Variants in TULP4 observed in about 807,000 individuals in gnomAD.
TULP4 encodes TUB like protein 4, also known as tubby-related protein 4.
TULP4 carries 16 observed loss-of-function variants against 129.0 expected under a neutral mutation model. The ratio of observed to expected loss-of-function variants is 0.12; its 90% CI spans 0.08 to 0.19. The LOEUF is 0.19. Among genes scored for constraint, TULP4 ranks in the 10% least tolerant of loss-of-function variants. TULP4 has a pLI of 1.00. For missense variants in TULP4, 1,842 were observed against 2,059.1 expected (o/e 0.89, Z 2.04); for synonymous variants, 998 against 854.0 (o/e 1.17, Z -2.94).
At position 158,440,377 on chromosome 6, in the gene TULP4, G is replaced by T. The variant is rs1176427648; in HGVS notation, c.544-8619G>T. 2.0e-5 allele frequency among the ~76,000 whole-genome samples: 3 copies of T among 150,352 alleles called. No individual in the cohort carries two copies. The East Asian group carries it at 5.9e-4, about 29-fold the overall frequency. On this transcript the variant is annotated intron_variant, in intron 3 of 13. Coordinates refer to ENST00000367097, the MANE Select transcript of TULP4 (RefSeq NM_020245.5). The stretch of plus-strand genomic sequence containing the variant: ...TACTAAAGTAAAATCTCAATGGTCA[G>T]CTTCTACACTGGAAACCCTTACTGG...
In TULP4 at chr6:158,502,210, A is replaced by ACC; in HGVS notation, c.2551_2552dup (p.Pro852ArgfsTer15). The stretch of plus-strand genomic sequence containing the variant: ...TCCCCGCTGCCCCCACCACAGCAGC[A>ACC]CCCCCGCCCCCTCTGCCGCCCCCAC... On this transcript the variant is annotated frameshift_variant, in exon 13 of 14. Transcript: ENST00000367097. LOFTEE classifies it high-confidence loss of function. 2.5e-6 allele frequency: 2 copies of ACC among 805,666 alleles called. No homozygotes were observed. Among genetic ancestry groups the ACC allele is most frequent in the Admixed American group, 3.0e-5 (1 of 33,806 alleles). 49.9% of individuals were successfully genotyped at this position (805,666 alleles called of 1,614,324 possible).
At chr6:158,300,805 C>G (rs1276949530) in intron 1 of TULP4, among the ~76,000 whole-genome samples, 1 of 152,194 alleles carries the variant, frequency 6.6e-6, no homozygotes, top group Non-Finnish European at 1.5e-5. Context: ...GGGATTAATG[C>G]CAGGTTCCTG....
intron 1 of TULP4, among the ~76,000 whole-genome samples, chr6:158,412,274 G>A (rs531409940): frequency 5.3e-4 from 81 of 152,334 alleles, no homozygotes; most frequent in African/African-American, 1.9e-3. Context: ...TCTCCAGGGT[G>A]AGCCCTGCCG....
rs775881078 is a variant in TULP4, at chr6:158,506,564, C to T, written c.4516-14C>T. The T allele has an allele frequency of 5.1e-6, 8 of 1,554,426 alleles. No homozygotes were observed. On this transcript the variant is annotated splice_polypyrimidine_tract_variant and intron_variant, in intron 13 of 13. Transcript: ENST00000367097. Reference sequence around the variant, plus strand: ...TTATTCTTTAATGTCTTTGCTTCCCCTGCCCTCCTCCAGGTGATGCAGTTT... The same window carrying T: ...TTATTCTTTAATGTCTTTGCTTCCCTTGCCCTCCTCCAGGTGATGCAGTTT...
upstream of TULP4, among the ~76,000 whole-genome samples, chr6:158,309,444 C>T (rs1436471095): frequency 6.4e-5 from 9 of 141,622 alleles, no homozygotes; most frequent in South Asian, 7.0e-4. Flanking sequence ...ACGTCCCAGA[C>T]GATGGGCGGC....
At chr6:158,480,931 CCCA>C (rs547667250) in intron 7 of TULP4, 121 bp from the exon 8 acceptor site, 4 of 817,480 alleles carry the variant, frequency 4.9e-6, no homozygotes, top group Non-Finnish European at 7.7e-6. Context: ...TCCCCAGGCC[CCCA>C]GCCTGTGCTC....
At chr6:158,308,730 T>C (rs867933281), upstream of TULP4, among the ~76,000 whole-genome samples, 127 of 68,436 alleles carry the variant, frequency 1.9e-3, no homozygotes, top group East Asian at 2.8e-3. Context: ...CCTCACCTCC[T>C]GGACGGGGCG....
At chr6:158,390,065 C>G (rs1173778900) in intron 1 of TULP4, among the ~76,000 whole-genome samples, 1 of 145,976 alleles carries the variant, frequency 6.9e-6, no homozygotes, top group African/African-American at 2.5e-5. Context: ...AGTGAGACTC[C>G]GTCTCAAAAA....
At chr6:158,335,274 CAAAAAAAA>C (rs61418142) in intron 1 of TULP4, among the ~76,000 whole-genome samples, 1 of 121,558 alleles carries the variant, frequency 8.2e-6, no homozygotes, top group Non-Finnish European at 1.8e-5. Context: ...GAGACTGTCT[CAAAAAAAA>C]AAAAAAAAAA....
At chr6:158,479,067 A>T (rs1297416052) in intron 6 of TULP4, among the ~76,000 whole-genome samples, 2 of 152,070 alleles carry the variant, frequency 1.3e-5, no homozygotes, top group Non-Finnish European at 2.9e-5. Context: ...CACTCATGAG[A>T]AAAGGGGGAG....
chr6:158,269,926 T>C (rs559261245), intron 1 of TULP4, among the ~76,000 whole-genome samples: 73 of 152,326 alleles, frequency 4.8e-4, no homozygotes, highest in African/African-American at 1.6e-3. Context: ...CTTCACAGGG[T>C]TGCTCCCTTT....
chr6:158,269,688 G>C (rs557418923), intron 1 of TULP4, among the ~76,000 whole-genome samples: 1 of 152,218 alleles, frequency 6.6e-6, no homozygotes, highest in Admixed American at 6.5e-5. Context: ...TTGCTTAATG[G>C]GTAGAATATA....
intron 6 of TULP4, among the ~76,000 whole-genome samples, chr6:158,474,798 C>T (rs895135201): frequency 2.6e-5 from 4 of 152,214 alleles, no homozygotes; most frequent in South Asian, 2.1e-4. Flanking sequence ...TCTGAAAATT[C>T]GAAATACTCC....
At chr6:158,269,724 A>G (rs1013873357) in intron 1 of TULP4, among the ~76,000 whole-genome samples, 2 of 152,274 alleles carry the variant, frequency 1.3e-5, no homozygotes, top group Admixed American at 6.5e-5. Flanking sequence ...GCAATGTCCA[A>G]CATTTATTTA....
chr6:158,443,969 C>A (rs1288359915), intron 3 of TULP4, among the ~76,000 whole-genome samples: 2 of 151,982 alleles, frequency 1.3e-5, no homozygotes, highest in African/African-American at 4.8e-5. Context: ...CCTGTAATCC[C>A]AGCACTTTGG....
intron 3 of TULP4, among the ~76,000 whole-genome samples, chr6:158,430,513 C>T (rs1425344638): frequency 2.0e-5 from 3 of 151,984 alleles, no homozygotes; most frequent in Non-Finnish European, 4.4e-5. Context: ...GAGGTGGAGG[C>T]GGGTGGATCA....
intron 11 of TULP4, among the ~76,000 whole-genome samples, chr6:158,496,582 A>G (rs1317903649): frequency 6.6e-6 from 1 of 152,208 alleles, no homozygotes; most frequent in Non-Finnish European, 1.5e-5. Context: ...ATGACCACAA[A>G]TGCTTGTTGT....
intron 1 of TULP4, among the ~76,000 whole-genome samples, chr6:158,246,198 T>C (rs1778028212): frequency 6.6e-6 from 1 of 152,078 alleles, no homozygotes; most frequent in African/African-American, 2.4e-5. Context: ...ACTACCTATT[T>C]AGCTAAAATT....
chr6:158,438,156 A>C (rs1778792507), intron 3 of TULP4: 1 of 152,208 alleles, frequency 6.6e-6, no homozygotes, highest in Non-Finnish European at 1.5e-5. Flanking sequence ...TTGATTATGA[A>C]AATTTTCAGT....
Sources: allele counts gnomAD v4.1 joint callset (sites outside exome capture counted in the v4.1 genomes callset), GRCh38; gene constraint gnomAD v4.1.1; transcripts MANE v1.5; gene names NCBI Gene and HGNC (gene_info 2026-07-23, HGNC 2026-07-21).